The following CLASRP variants were observed in gnomAD, a reference collection of about 807,000 sequenced individuals.
CLASRP encodes CLK4 associating serine/arginine rich protein.
CLASRP carries 52 observed loss-of-function variants against 99.9 expected under a neutral mutation model. That is an observed-to-expected ratio of 0.52 (90% CI 0.42 to 0.66). The LOEUF is 0.66. Among genes scored for constraint, CLASRP ranks in the 30% least tolerant of loss-of-function variants. The pLI is 0.00. For synonymous variants in CLASRP, 379 were observed against 373.0 expected (o/e 1.02, Z -0.18); for missense variants, 848 against 999.2 (o/e 0.85, Z 2.04).
At chr19:45,040,487 T>A in intron 2 of CLASRP, 176 bp downstream of exon 2, 1 of 528,432 alleles carries the variant, frequency 1.9e-6, no homozygotes, top group Admixed American at 3.1e-5. Context: ...GGGCTTCTGT[T>A]TGTTGTAGCA....
In CLASRP at chr19:45,064,324, C is replaced by T. The variant is rs1273496155; in HGVS notation, c.1122-19C>T. On this transcript the variant is annotated intron_variant, in intron 12 of 20. Transcript: ENST00000221455. ...CGGCTCAGGCCTGCGCTGACCGGCC[C>T]TCCGTGCCCCGCCTGCAGCCGCCGC... The T allele has an allele frequency of 4.0e-6, 6 of 1,518,040 alleles. No homozygotes were observed. Among genetic ancestry groups the T allele is most frequent in the Non-Finnish European group, 5.3e-6 (6 of 1,136,834 alleles). 94.0% of individuals were successfully genotyped at this position (1,518,040 alleles called of 1,614,324 possible). A position where few individuals can be genotyped will look rare whatever the true frequency, so the allele number is the denominator to read the frequency against.
At chr19:45,052,002 G>A (rs926590202) in intron 2 of CLASRP, 69 bp from the exon 3 acceptor site, 27 of 1,209,748 alleles carry the variant, frequency 2.2e-5, no homozygotes, top group Middle Eastern at 2.0e-4. Flanking sequence ...TGCTAAGCTC[G>A]GTTGTGTGTG....
intron 2 of CLASRP, among the ~76,000 whole-genome samples, chr19:45,051,815 A>C (rs1003402360): frequency 2.0e-5 from 3 of 152,094 alleles, no homozygotes; most frequent in East Asian, 1.9e-4. Flanking sequence ...AAAAACACAA[A>C]AAATTAGTCG....
In CLASRP at chr19:45,067,843, G is replaced by C. The variant is rs937097814; in HGVS notation, c.1668-172G>C. Among the ~76,000 whole-genome samples the C allele has an allele frequency of 1.3e-5, 2 of 152,144 alleles. No homozygotes were observed. The highest frequency in any genetic ancestry group is 2.9e-5 in the Non-Finnish European group (2 of 68,016). On this transcript the variant is annotated intron_variant, in intron 14 of 20. Coordinates refer to ENST00000221455, the MANE Select transcript of CLASRP (RefSeq NM_007056.3). This position sits in a 1 kb window ranked among gnomAD's most constrained non-coding sequence, Gnocchi z 4.9. Reference sequence around the variant, plus strand: ...CCTGGGTGAGGGTCAGAGGGGGACAGGTCCCTGTCTTACAGGTTCTGTGGG... The same window carrying C: ...CCTGGGTGAGGGTCAGAGGGGGACACGTCCCTGTCTTACAGGTTCTGTGGG...
intron 2 of CLASRP, among the ~76,000 whole-genome samples, chr19:45,047,157 TGTG>T (rs760374109): frequency 9.9e-5 from 15 of 151,672 alleles, no homozygotes; most frequent in Non-Finnish European, 1.5e-4. Flanking sequence ...AGAAAGAAAA[TGTG>T]GTCTCTACAC....
intron 13 of CLASRP, among the ~76,000 whole-genome samples, chr19:45,066,375 C>T (rs943307684): frequency 8.5e-5 from 13 of 152,250 alleles, no homozygotes; most frequent in African/African-American, 3.1e-4. Context: ...ACCTTTGCCT[C>T]CCAAAGTGCT....
intron 1 of CLASRP, 178 bp from the exon 2 acceptor site, chr19:45,040,006 A>G: frequency 2.2e-6 from 1 of 459,728 alleles, no homozygotes; most frequent in South Asian, 2.7e-5. Flanking sequence ...TCTAGATCGA[A>G]GTTGTTAGGG....
chr19:45,067,376 C>T lies in CLASRP; in HGVS notation c.1449C>T (p.Gly483=). 1 of 1,529,860 alleles carries T rather than the reference C, an allele frequency of 6.5e-7. No individual in the cohort carries two copies. The highest frequency in any genetic ancestry group is 8.7e-7 in the Non-Finnish European group (1 of 1,143,124). 94.8% of individuals were successfully genotyped at this position (1,529,860 alleles called of 1,614,324 possible). Residue 483 remains glycine (G), a synonymous_variant, in exon 14 of 21, where the codon GGC becomes GGT. Coordinates refer to ENST00000221455, the MANE Select transcript of CLASRP (RefSeq NM_007056.3). This position sits in a 1 kb window ranked among gnomAD's most constrained non-coding sequence, Gnocchi z 4.9. ...CAGGGGACCGCTACAGGCGGGGCGGCCGGGGCCTCAGGCACCACAGCAGTA... is the reference window on the plus strand; with the variant it reads ...CAGGGGACCGCTACAGGCGGGGCGGTCGGGGCCTCAGGCACCACAGCAGTA... The part of the protein sequence containing the change: ...SHSGDRYRRG[G]RGLRHHSSSR...
At chr19:45,061,791 C>G (rs1378546810) in intron 10 of CLASRP, among the ~76,000 whole-genome samples, 3 of 150,944 alleles carry the variant, frequency 2.0e-5, no homozygotes, top group Non-Finnish European at 1.5e-5. Context: ...ATCTTATCAT[C>G]ATCATCATCA....
At chr19:45,056,378 A>C in intron 5 of CLASRP, 72 bp from the exon 6 acceptor site, 1 of 1,372,148 alleles carries the variant, frequency 7.3e-7, no homozygotes, top group Non-Finnish European at 1.0e-6. Context: ...GCCCCACCGC[A>C]CCCTTGTGTT....
At chr19:45,063,929 G>T in intron 11 of CLASRP, 83 bp from the exon 12 acceptor site, 2 of 1,485,006 alleles carry the variant, frequency 1.3e-6, no homozygotes, top group Non-Finnish European at 9.0e-7. Context: ...CCGCGCTGGC[G>T]CTGCTGTTGA....
At position 45,064,057 on chromosome 19, in the gene CLASRP, C is replaced by T. The variant is rs1679623891; in HGVS notation, c.951C>T (p.Ser317=). Residue 317 remains serine, a synonymous_variant, in exon 12 of 21, where the codon TCC becomes TCT. Coordinates refer to ENST00000221455, the MANE Select transcript of CLASRP (RefSeq NM_007056.3). ...CAGAGTCCCGCTCCCGCTCCCGCTCCCCGACCCCGGGCCGCGAGGAGAAGA... is the reference window on the plus strand; with the variant it reads ...CAGAGTCCCGCTCCCGCTCCCGCTCTCCGACCCCGGGCCGCGAGGAGAAGA... The part of the protein sequence containing the change: ...SSSESRSRSR[S]PTPGREEKIT... 6.2e-7 allele frequency: 1 copy of T among 1,612,240 alleles called. No individual in the cohort carries two copies. Among genetic ancestry groups the T allele is most frequent in the Non-Finnish European group, 8.5e-7 (1 of 1,179,754 alleles).
intron 2 of CLASRP, chr19:45,047,469 G>A (rs180858318): frequency 1.3e-5 from 2 of 150,146 alleles, no homozygotes; most frequent in African/African-American, 4.9e-5. Flanking sequence ...AGCTCACTTC[G>A]GCAGCACATA....
At chr19:45,058,115 T>A in intron 7 of CLASRP, 2 of 605,012 alleles carry the variant, frequency 3.3e-6, no homozygotes, top group South Asian at 4.0e-5. Context: ...TAGGGTGCTA[T>A]TTCTATGATC....
intron 5 of CLASRP, among the ~76,000 whole-genome samples, chr19:45,053,668 C>T (rs1329169801): frequency 9.9e-5 from 15 of 152,050 alleles, no homozygotes; most frequent in African/African-American, 2.9e-4. Flanking sequence ...TTAGTAGAGA[C>T]GGGGTTTCGC....
intron 20 of CLASRP, 116 bp from the exon 21 acceptor site, chr19:45,070,687 T>G: frequency 7.7e-7 from 1 of 1,300,236 alleles, no homozygotes; most frequent in Non-Finnish European, 1.1e-6. Context: ...GTCTCATCCC[T>G]TGGGGAACAT....
At chr19:45,044,691 G>C (rs1371339452) in intron 2 of CLASRP, among the ~76,000 whole-genome samples, 1 of 152,134 alleles carries the variant, frequency 6.6e-6, no homozygotes, top group Non-Finnish European at 1.5e-5. Context: ...AGACCTGGGA[G>C]GGTGGGGCTA....
Position 45,070,909 on chromosome 19 carries a change from G to A in CLASRP, c.*64G>A, listed in dbSNP as rs544165436. On this transcript the variant is annotated 3_prime_UTR_variant, in exon 21 of 21. Coordinates refer to ENST00000221455, the MANE Select transcript of CLASRP (RefSeq NM_007056.3). ...AAGGGGCTCAAGCTGTGATGCTGCT[G>A]GTTTTATCTCTAGTGAAATAAAGTC... is the stretch of plus-strand genomic sequence containing the variant. The A allele has an allele frequency of 3.0e-6, 3 of 995,470 alleles. No homozygotes were observed. The highest frequency in any genetic ancestry group is 1.5e-6 in the Non-Finnish European group (1 of 651,066). 61.7% of individuals were successfully genotyped at this position (995,470 alleles called of 1,614,324 possible). A position where few individuals can be genotyped will look rare whatever the true frequency, so the allele number is the denominator to read the frequency against.
At chr19:45,068,678 G>A (rs1001128490) in intron 16 of CLASRP, among the ~76,000 whole-genome samples, 198 bp downstream of exon 16, 5 of 152,234 alleles carry the variant, frequency 3.3e-5, no homozygotes, top group Non-Finnish European at 5.9e-5. Flanking sequence ...AGGTTGACCT[G>A]TCTGAGCTCA....
Sources: gnomAD v4.1 joint callset for allele counts (sites outside exome capture counted in the v4.1 genomes callset) on GRCh38, gnomAD v4.1.1 for gene constraint, Gnocchi (gnomAD v3.1) non-coding constraint, MANE v1.5 for transcripts, NCBI Gene and HGNC (gene_info 2026-07-23, HGNC 2026-07-21) for gene names.